The following CREB5 variants were observed in gnomAD, a reference collection of about 807,000 sequenced individuals.
CREB5 encodes cyclic AMP-responsive element-binding protein 5.
A neutral mutation model predicts 57.1 loss-of-function variants in CREB5; 19 were observed. The ratio of observed to expected loss-of-function variants is 0.33; its 90% CI spans 0.23 to 0.49. The LOEUF is 0.49. CREB5 is among the 20% of genes least tolerant of loss of function. The probability of loss-of-function intolerance (pLI) is 0.99; values close to 1 mark genes in which losing one functional copy is unlikely to be tolerated. For missense variants in CREB5, 579 were observed against 671.6 expected, an observed-to-expected ratio of 0.86 and a Z score of 1.52; for synonymous variants, 238 against 238.3, an observed-to-expected ratio of 1.00 and a Z score of 0.01.
chr7:28,800,245 C>T (rs988703493), intron 7 of CREB5, among the ~76,000 whole-genome samples: 1 of 151,922 alleles, frequency 6.6e-6, no homozygotes, highest in African/African-American at 2.4e-5. Flanking sequence ...GAAGGCTGGA[C>T]TGAAGAAAGG....
intron 1 of CREB5, among the ~76,000 whole-genome samples, chr7:28,352,897 C>T (rs902200350): frequency 1.3e-5 from 2 of 152,152 alleles, no homozygotes; most frequent in Non-Finnish European, 2.9e-5. Context: ...GGGTTTGAAC[C>T]AAGGCATTCA....
chr7:28,641,126 G>A (rs984539029), intron 5 of CREB5, among the ~76,000 whole-genome samples: 2 of 152,080 alleles, frequency 1.3e-5, no homozygotes, highest in Non-Finnish European at 2.9e-5. Flanking sequence ...AATCCCTAGT[G>A]GAAATGCAGT....
intron 1 of CREB5, among the ~76,000 whole-genome samples, chr7:28,423,921 T>C (rs1788384615): frequency 6.6e-6 from 1 of 152,170 alleles, no homozygotes; most frequent in African/African-American, 2.4e-5. Context: ...TTCCTGAGGC[T>C]GCTGTAGCAA....
chr7:28,628,882 T>C (rs927711507), intron 5 of CREB5, among the ~76,000 whole-genome samples: 1 of 152,158 alleles, frequency 6.6e-6, no homozygotes, highest in Non-Finnish European at 1.5e-5. Context: ...AAAAGATTAT[T>C]AGATAGGCAT....
intron 7 of CREB5, among the ~76,000 whole-genome samples, chr7:28,744,071 A>T (rs1197579917): frequency 2.6e-5 from 3 of 113,208 alleles, no homozygotes; most frequent in Non-Finnish European, 5.2e-5. Flanking sequence ...TCATTGTTCA[A>T]TTCCCACCTA....
At chr7:28,660,218 A>C (rs1324499491) in intron 5 of CREB5, among the ~76,000 whole-genome samples, 1 of 152,182 alleles carries the variant, frequency 6.6e-6, no homozygotes, top group Non-Finnish European at 1.5e-5. Context: ...TTTATGAAAA[A>C]AAAGTTGCAG....
chr7:28,688,831 G>T (rs973133970), intron 5 of CREB5, among the ~76,000 whole-genome samples: 26 of 152,158 alleles, frequency 1.7e-4, no homozygotes, highest in Non-Finnish European at 1.5e-4. Context: ...GTATGCTTGG[G>T]ACTCTTCAGG....
intron 5 of CREB5, among the ~76,000 whole-genome samples, chr7:28,681,046 A>T (rs1219174557): frequency 1.3e-5 from 2 of 152,174 alleles, no homozygotes; most frequent in African/African-American, 4.8e-5. Context: ...AGCTGCTCTG[A>T]CATCCACCAC....
intron 1 of CREB5, among the ~76,000 whole-genome samples, chr7:28,351,907 TC>T (rs1423114111): frequency 6.6e-6 from 1 of 152,072 alleles, no homozygotes. Context: ...TAAATTAACA[TC>T]CCCCAAATAA....
intron 7 of CREB5, among the ~76,000 whole-genome samples, chr7:28,735,584 T>C (rs964223526): frequency 1.6e-4 from 24 of 152,204 alleles, no homozygotes; most frequent in Non-Finnish European, 2.9e-5. Context: ...GTAAGTGTTA[T>C]TAATGGAGTA....
intron 1 of CREB5, among the ~76,000 whole-genome samples, chr7:28,422,207 T>A (rs1487683221): frequency 6.6e-6 from 1 of 152,128 alleles, no homozygotes; most frequent in Non-Finnish European, 1.5e-5. Flanking sequence ...TGACTTATTC[T>A]CTGTGCTTCG....
intron 4 of CREB5, among the ~76,000 whole-genome samples, chr7:28,560,855 T>TGCGTGTGCGTGCGTGCGCGCGTGC (rs1554344299): frequency 1.8e-5 from 1 of 56,388 alleles, no homozygotes; most frequent in African/African-American, 7.1e-5. Context: ...CGCGTGTGTG[T>TGCGTGTGCGTGCGTGCGCGCGTGC]GTGCGTGTGC....
chr7:28,654,164 C>A (rs1039761302), intron 5 of CREB5, among the ~76,000 whole-genome samples: 30 of 152,250 alleles, frequency 2.0e-4, no homozygotes, highest in African/African-American at 7.2e-4. Flanking sequence ...TTTATCCAAA[C>A]CATTAAAAAT....
At chr7:28,353,356 A>G (rs1018394899) in intron 1 of CREB5, among the ~76,000 whole-genome samples, 1 of 152,192 alleles carries the variant, frequency 6.6e-6, no homozygotes, top group African/African-American at 2.4e-5. Flanking sequence ...ATACTCTGAA[A>G]GAAAAGTACA....
intron 4 of CREB5, among the ~76,000 whole-genome samples, chr7:28,569,251 A>T (rs1795604602): frequency 6.6e-6 from 1 of 151,732 alleles, no homozygotes; most frequent in Non-Finnish European, 1.5e-5. Flanking sequence ...TGCAGCCTCA[A>T]ACTCCTGGGC....
At chr7:28,694,182 A>G (rs1801418813) in intron 5 of CREB5, among the ~76,000 whole-genome samples, 2 of 152,206 alleles carry the variant, frequency 1.3e-5, no homozygotes, top group African/African-American at 4.8e-5. Flanking sequence ...CAGCTCAGCA[A>G]CACTTTGCAA....
chr7:28,452,675 C>T (rs988427560), intron 1 of CREB5, among the ~76,000 whole-genome samples: 1 of 152,198 alleles, frequency 6.6e-6, no homozygotes, highest in Non-Finnish European at 1.5e-5. Context: ...AGAGCTGGGG[C>T]CTAAAGAGGG....
chr7:28,545,998 A>G (rs1213617052), intron 4 of CREB5, among the ~76,000 whole-genome samples: 6 of 152,120 alleles, frequency 3.9e-5, no homozygotes, highest in Admixed American at 3.3e-4. Context: ...ATCTTGGAAC[A>G]TTTTCAGCCT....
At chr7:28,389,756 T>C (rs1787178460) in intron 1 of CREB5, among the ~76,000 whole-genome samples, 2 of 152,130 alleles carry the variant, frequency 1.3e-5, no homozygotes, top group African/African-American at 4.8e-5. Context: ...AGCTGTCTAA[T>C]ACTTTTGAAA....
Sources: gnomAD v4.1 joint callset for allele counts (sites outside exome capture counted in the v4.1 genomes callset) on GRCh38, gnomAD v4.1.1 for gene constraint, MANE v1.5 for transcripts, NCBI Gene and HGNC (gene_info 2026-07-23, HGNC 2026-07-21) for gene names.